The following TAS2R1 variants were observed in gnomAD, a reference collection of about 807,000 sequenced individuals.
The protein encoded by TAS2R1 is taste 2 receptor member 1, also known as taste receptor type 2 member 1.
For synonymous variants in TAS2R1, 141 were observed against 134.2 expected (o/e 1.05, Z -0.35); for missense variants, 370 against 353.4 (o/e 1.05, Z -0.38).
At chr5:9,693,927 A>T (rs926995055) in intron 1 of TAS2R1, among the ~76,000 whole-genome samples, 8 of 152,236 alleles carry the variant, frequency 5.3e-5, no homozygotes, top group Non-Finnish European at 8.8e-5. Flanking sequence ...TTTCAATAGA[A>T]TTAAACTGGC....
At chr5:9,653,289 C>A (rs1028755823) in intron 2 of TAS2R1, among the ~76,000 whole-genome samples, 2 of 152,196 alleles carry the variant, frequency 1.3e-5, no homozygotes, top group African/African-American at 4.8e-5. Flanking sequence ...CACGTTGTAG[C>A]ATACGTCAGA....
upstream of TAS2R1, among the ~76,000 whole-genome samples, chr5:9,633,306 A>ATATATT (rs1332976944): frequency 2.1e-5 from 2 of 95,792 alleles, no homozygotes; most frequent in African/African-American, 8.1e-5. Flanking sequence ...ATATATATAT[A>ATATATT]TATATATATA....
the TAS2R1 span, among the ~76,000 whole-genome samples, chr5:9,790,408 C>T: frequency 6.6e-6 from 1 of 152,182 alleles, no homozygotes; most frequent in East Asian, 1.9e-4. Flanking sequence ...CATGACTCAA[C>T]TGAAGCCACA....
chr5:9,890,803 C>G, the TAS2R1 span, among the ~76,000 whole-genome samples: 1 of 152,132 alleles, frequency 6.6e-6, no homozygotes, highest in Non-Finnish European at 1.5e-5. Context: ...CCACTGTGAC[C>G]TACTTATAAC....
the TAS2R1 span, among the ~76,000 whole-genome samples, chr5:9,724,717 A>T: frequency 5.9e-5 from 9 of 152,158 alleles, no homozygotes; most frequent in Non-Finnish European, 4.4e-5. Flanking sequence ...TTTCCTTGGG[A>T]GAGCTTTGAG....
the TAS2R1 span, among the ~76,000 whole-genome samples, chr5:9,841,532 T>C: frequency 1.3e-5 from 2 of 152,210 alleles, no homozygotes; most frequent in East Asian, 1.9e-4. Flanking sequence ...ATTAAATTTT[T>C]TAGTTTTAGA....
the TAS2R1 span, among the ~76,000 whole-genome samples, chr5:9,825,461 T>G: frequency 2.0e-5 from 3 of 152,182 alleles, no homozygotes; most frequent in African/African-American, 7.2e-5. Flanking sequence ...GTCCCTTCCA[T>G]GACACATGGG....
chr5:9,798,139 T>A, the TAS2R1 span, among the ~76,000 whole-genome samples: 1 of 152,314 alleles, frequency 6.6e-6, no homozygotes, highest in East Asian at 1.9e-4. Flanking sequence ...GATCCCATGG[T>A]GTACGATTTG....
the TAS2R1 span, among the ~76,000 whole-genome samples, chr5:9,772,902 T>C: frequency 0.34 from 51,020 of 151,956 alleles, 9,585 homozygotes; most frequent in Admixed American, 0.43. Context: ...ATGAAGTGTT[T>C]TCCTTGTAGA....
At chr5:9,716,042 C>A (rs756417363), upstream of TAS2R1, among the ~76,000 whole-genome samples, 3 of 152,216 alleles carry the variant, frequency 2.0e-5, no homozygotes, top group Non-Finnish European at 2.9e-5. Context: ...AGAGGACTCT[C>A]TAGCTCCTCT....
chr5:9,699,247 G>A (rs1044602376), intron 1 of TAS2R1, among the ~76,000 whole-genome samples: 4 of 152,134 alleles, frequency 2.6e-5, no homozygotes, highest in Non-Finnish European at 5.9e-5. Flanking sequence ...CTAAATAATC[G>A]AACATGTAAG....
chr5:9,640,968 CAT>C (rs1459313331), intron 2 of TAS2R1, among the ~76,000 whole-genome samples: 2 of 152,186 alleles, frequency 1.3e-5, no homozygotes, highest in East Asian at 1.9e-4. Context: ...TGTTTGCTGT[CAT>C]ATTGCCATGA....
At chr5:9,684,229 T>A (rs1253619248) in intron 1 of TAS2R1, among the ~76,000 whole-genome samples, 1 of 152,054 alleles carries the variant, frequency 6.6e-6, no homozygotes, top group East Asian at 1.9e-4. Context: ...TAAAAGAAAA[T>A]AAAATGTTGT....
the TAS2R1 span, among the ~76,000 whole-genome samples, chr5:9,766,371 G>A: frequency 2.6e-5 from 4 of 152,218 alleles, no homozygotes; most frequent in East Asian, 5.8e-4. Context: ...TTTGAAGCTG[G>A]CTAAGGATTG....
chr5:9,813,890 C>G, the TAS2R1 span, among the ~76,000 whole-genome samples: 23 of 152,288 alleles, frequency 1.5e-4, no homozygotes, highest in East Asian at 3.7e-3. Context: ...TTGACTTCAT[C>G]TCTTTTCCCA....
chr5:9,694,831 T>G (rs1055779287), intron 1 of TAS2R1, among the ~76,000 whole-genome samples: 8 of 152,256 alleles, frequency 5.3e-5, no homozygotes, highest in African/African-American at 1.9e-4. Flanking sequence ...TGCACAGAGT[T>G]GCCTCTTTCT....
the TAS2R1 span, among the ~76,000 whole-genome samples, chr5:9,853,373 T>C: frequency 6.6e-6 from 1 of 152,248 alleles, no homozygotes; most frequent in East Asian, 1.9e-4. Flanking sequence ...AAACTCACTT[T>C]TAATTACATG....
chr5:9,665,992 G>A (rs528530893), intron 1 of TAS2R1, among the ~76,000 whole-genome samples: 1 of 152,264 alleles, frequency 6.6e-6, no homozygotes. Flanking sequence ...TTTTGGACAA[G>A]GAGTATGACT....
At chr5:9,856,590 T>C in the TAS2R1 span, among the ~76,000 whole-genome samples, 2 of 152,168 alleles carry the variant, frequency 1.3e-5, no homozygotes, top group African/African-American at 2.4e-5. Flanking sequence ...TACAAACTTG[T>C]TTATGGTCAC....
Sources: gnomAD v4.1 joint callset for allele counts (sites outside exome capture counted in the v4.1 genomes callset) on GRCh38, gnomAD v4.1.1 for gene constraint, MANE v1.5 for transcripts, NCBI Gene and HGNC (gene_info 2026-07-23, HGNC 2026-07-21) for gene names.